The following PDE7B variants were observed in gnomAD, a reference collection of about 807,000 sequenced individuals.
PDE7B encodes 3',5'-cyclic-AMP phosphodiesterase 7B.
PDE7B carries 29 observed loss-of-function variants against 56.2 expected under a neutral mutation model. The observed-to-expected ratio is 0.52, with a 90% CI of 0.38 to 0.70. PDE7B has a LOEUF of 0.70. PDE7B is among the 30% of genes least tolerant of loss of function. The pLI is 0.00. For missense variants in PDE7B, 490 were observed against 565.0 expected, an observed-to-expected ratio of 0.87 and a Z score of 1.35; for synonymous variants, 197 against 196.9, an observed-to-expected ratio of 1.00 and a Z score of 0.00.
At chr6:136,085,213 TCAG>T (rs564625743) in intron 2 of PDE7B, among the ~76,000 whole-genome samples, 10 of 152,328 alleles carry the variant, frequency 6.6e-5, no homozygotes, top group Admixed American at 3.3e-4. Context: ...CTTTTTGTCA[TCAG>T]CATTTTATTG....
intron 1 of PDE7B, among the ~76,000 whole-genome samples, chr6:135,872,916 C>A (rs990880467): frequency 3.3e-5 from 5 of 152,076 alleles, no homozygotes; most frequent in African/African-American, 1.2e-4. Context: ...TTTCTCATTT[C>A]TCCACATCCA....
intron 3 of PDE7B, among the ~76,000 whole-genome samples, chr6:136,129,180 C>T (rs376296360): frequency 6.6e-6 from 1 of 152,272 alleles, no homozygotes; most frequent in Middle Eastern, 3.4e-3. Context: ...ATCCTTGAAC[C>T]TCATTCTAGG....
Position 136,194,350 on chromosome 6 carries a change from G to A in PDE7B, c.*2510G>A, listed in dbSNP as rs776366198. 1 of 152,068 alleles carries A rather than the reference G, an allele frequency of 6.6e-6. No individual in the cohort carries two copies. Among genetic ancestry groups the A allele is most frequent in the African/African-American group, 2.4e-5 (1 of 41,394 alleles). 9.4% of individuals were successfully genotyped at this position (152,068 alleles called of 1,614,324 possible). A position where few individuals can be genotyped will look rare whatever the true frequency, so the allele number is the denominator to read the frequency against. ...AGTTGATAGTTTACATTACAATTAG[G>A]TCTTGAAGAAGAGCTCACAGAGAAA... On this transcript the variant is annotated 3_prime_UTR_variant, in exon 13 of 13. Transcript: ENST00000308191.
At chr6:136,175,116 A>G (rs1387128663) in intron 9 of PDE7B, among the ~76,000 whole-genome samples, 4 of 152,174 alleles carry the variant, frequency 2.6e-5, no homozygotes, top group African/African-American at 9.7e-5. Flanking sequence ...TTTGTTACTC[A>G]ATATTTCTTT....
intron 1 of PDE7B, among the ~76,000 whole-genome samples, chr6:135,881,699 AC>A (rs1373579471): frequency 6.6e-6 from 1 of 152,236 alleles, no homozygotes; most frequent in African/African-American, 2.4e-5. Context: ...ACTTGTACAG[AC>A]ATCAGAATTG....
At chr6:135,929,330 G>A (rs546822126) in intron 1 of PDE7B, among the ~76,000 whole-genome samples, 14 of 152,030 alleles carry the variant, frequency 9.2e-5, no homozygotes, top group African/African-American at 1.2e-4. Context: ...ACAAACAAGC[G>A]CTTATTATTT....
intron 2 of PDE7B, among the ~76,000 whole-genome samples, chr6:135,967,285 C>G (rs917821839): frequency 2.6e-5 from 4 of 152,086 alleles, no homozygotes; most frequent in Admixed American, 6.6e-5. Context: ...CGCTATGTAA[C>G]CCCAACTTTA....
At chr6:136,165,066 A>G (rs972109339) in intron 8 of PDE7B, among the ~76,000 whole-genome samples, 3 of 152,230 alleles carry the variant, frequency 2.0e-5, no homozygotes, top group African/African-American at 7.2e-5. Flanking sequence ...TGAGGAAAGT[A>G]TAGTTTTTCA....
At chr6:135,904,257 C>T (rs1196792282) in intron 1 of PDE7B, among the ~76,000 whole-genome samples, 1 of 152,166 alleles carries the variant, frequency 6.6e-6, no homozygotes, top group Non-Finnish European at 1.5e-5. Flanking sequence ...TAAATATCTC[C>T]ACCTGGAATT....
At chr6:135,901,178 T>C (rs761485983) in intron 1 of PDE7B, among the ~76,000 whole-genome samples, 1 of 152,198 alleles carries the variant, frequency 6.6e-6, no homozygotes, top group Non-Finnish European at 1.5e-5. Context: ...AGAAGCAGAA[T>C]GAAGCAAAGC....
At chr6:136,178,538 G>A (rs1174957302) in intron 9 of PDE7B, among the ~76,000 whole-genome samples, 2 of 151,918 alleles carry the variant, frequency 1.3e-5, no homozygotes, top group Non-Finnish European at 2.9e-5. Flanking sequence ...ATTGTGTTCC[G>A]TTGATGGATC....
In PDE7B at chr6:136,008,204, G is replaced by C. The variant is rs1201731612; in HGVS notation, c.82+60680G>C. 2.6e-5 allele frequency among the ~76,000 whole-genome samples: 4 copies of C among 152,144 alleles called. No individual in the cohort carries two copies. The East Asian group carries it at 5.8e-4, about 22-fold the overall frequency. On this transcript the variant is annotated intron_variant, in intron 2 of 12. Coordinates refer to ENST00000308191, the MANE Select transcript of PDE7B (RefSeq NM_018945.4). ...CTGCATAGTATTCCATGGTGTATAT[G>C]TGCCACATTTTCTTAATCCAGTCTA...
At chr6:135,934,713 G>A (rs1774359035) in intron 1 of PDE7B, among the ~76,000 whole-genome samples, 1 of 122,468 alleles carries the variant, frequency 8.2e-6, no homozygotes, top group South Asian at 2.6e-4. Context: ...CTGGAGACAA[G>A]AGTGAAACTC....
intron 2 of PDE7B, among the ~76,000 whole-genome samples, chr6:135,954,889 A>T (rs1292028260): frequency 1.3e-5 from 2 of 152,124 alleles, no homozygotes; most frequent in Non-Finnish European, 2.9e-5. Context: ...GCAACAGAAC[A>T]CCTCATTTTT....
chr6:136,076,828 T>C (rs1401096108), intron 2 of PDE7B, among the ~76,000 whole-genome samples: 1 of 152,098 alleles, frequency 6.6e-6, no homozygotes, highest in Non-Finnish European at 1.5e-5. Flanking sequence ...TCTAAGGTCA[T>C]GGGAATGAAG....
intron 6 of PDE7B, 46 bp from the exon 7 acceptor site, chr6:136,154,029 C>A: frequency 1.6e-6 from 2 of 1,285,750 alleles, no homozygotes; most frequent in Non-Finnish European, 2.3e-6. Flanking sequence ...TAGTATACCA[C>A]TCCTATTTGG....
chr6:136,133,272 CA>C lies in PDE7B; in HGVS notation c.167-14068del, dbSNP rs776299522. Among the ~76,000 whole-genome samples the C allele has an allele frequency of 7.5e-3, 1,010 of 133,808 alleles. 6 individuals are homozygous for C. The highest frequency in any genetic ancestry group is 0.021 in the African/African-American group (779 of 36,852). The allele number at this position is 133,808 out of a possible 152,430, so 87.8% of individuals were successfully genotyped here. On this transcript the variant is annotated intron_variant, in intron 3 of 12. Transcript: ENST00000308191. ...TAATAATAAAACAAGAAGGGGCTGC[CA>C]AAAAAAAAAAGCATAAAGGTTTTCT...
At chr6:135,896,876 G>C (rs909456306) in intron 1 of PDE7B, among the ~76,000 whole-genome samples, 2 of 152,018 alleles carry the variant, frequency 1.3e-5, no homozygotes, top group African/African-American at 4.8e-5. Flanking sequence ...GGAGGCAATA[G>C]TTAAATACTT....
At chr6:135,860,082 C>G (rs866520053) in intron 1 of PDE7B, among the ~76,000 whole-genome samples, 1 of 151,950 alleles carries the variant, frequency 6.6e-6, no homozygotes, top group African/African-American at 2.4e-5. Flanking sequence ...CCTTTAGGTT[C>G]CAAAATTTCT....
Sources: allele counts gnomAD v4.1 joint callset (sites outside exome capture counted in the v4.1 genomes callset), GRCh38; gene constraint gnomAD v4.1.1; transcripts MANE v1.5; gene names NCBI Gene and HGNC (gene_info 2026-07-23, HGNC 2026-07-21).